Variants in ICE2 observed in about 807,000 individuals in gnomAD.
ICE2 encodes interactor of little elongation complex ELL subunit 2.
In ICE2, 87 loss-of-function variants were observed where a neutral mutation model predicts 105.4. The ratio of observed to expected loss-of-function variants is 0.83; its 90% confidence interval spans 0.69 to 0.99. The LOEUF is 0.99. ICE2 is among the 50% of genes least tolerant of loss of function. ICE2 has a pLI of 0.00. For missense variants in ICE2, 1,323 were observed against 1,146.7 expected, an observed-to-expected ratio of 1.15 and a Z score of -2.22; for synonymous variants, 399 against 392.0, an observed-to-expected ratio of 1.02 and a Z score of -0.21.
intron 13 of ICE2, among the ~76,000 whole-genome samples, chr15:60,432,190 T>TC: frequency 6.8e-6 from 1 of 146,330 alleles, no homozygotes; most frequent in East Asian, 2.0e-4. Context: ...CCTTTTTTTT[T>TC]TTTTTTTTTT....
intron 5 of ICE2, among the ~76,000 whole-genome samples, chr15:60,459,604 G>T (rs767159136): frequency 1.5e-4 from 23 of 152,062 alleles, no homozygotes; most frequent in Non-Finnish European, 3.2e-4. Flanking sequence ...CAAACCTGTA[G>T]ATAAATTAAA....
chr15:60,425,281 G>A (rs909987387), intron 15 of ICE2, among the ~76,000 whole-genome samples: 2 of 152,144 alleles, frequency 1.3e-5, no homozygotes, highest in South Asian at 4.1e-4. Flanking sequence ...TTAGAAAAGT[G>A]CTGCGACTTT....
chr15:60,452,093 T>C, intron 9 of ICE2: 1 of 985,348 alleles, frequency 1.0e-6, no homozygotes, highest in South Asian at 4.7e-5. Flanking sequence ...CTACCTCATG[T>C]TTCTTCTTGT....
chr15:60,441,997 T>C (rs557109372), intron 12 of ICE2: 1 of 153,266 alleles, frequency 6.5e-6, no homozygotes, highest in African/African-American at 2.4e-5. Flanking sequence ...TACTATTAAA[T>C]AAGTGTTTCT....
rs145781504 is a variant in ICE2, at chr15:60,449,446, G to T, written c.1521C>A (p.Asp507Glu). The change falls in exon 10 of 16, where the codon GAC becomes GAA. Residue 507 changes from aspartate to glutamate, a missense_variant. By Grantham distance (45) the Asp-to-Glu change is conservative (BLOSUM62 2). Coordinates refer to ENST00000261520, the MANE Select transcript of ICE2 (RefSeq NM_024611.6). ...NSDKPLIQDS[D>E]LKTSDALQLE... ...ACTGTAAGGCATCAGATGTTTTCAAGTCACTATCTTGTATCAAAGGCTTGT... is the reference window on the plus strand; with the variant it reads ...ACTGTAAGGCATCAGATGTTTTCAATTCACTATCTTGTATCAAAGGCTTGT... 3.1e-6 allele frequency: 5 copies of T among 1,613,884 alleles called. No individual in the cohort carries two copies. The highest frequency in any genetic ancestry group is 4.2e-6 in the Non-Finnish European group (5 of 1,180,020).
chr15:60,465,658 T>G (rs867688160), intron 5 of ICE2, among the ~76,000 whole-genome samples: 10 of 151,490 alleles, frequency 6.6e-5, no homozygotes, highest in Admixed American at 3.3e-4. Flanking sequence ...CTTTAAAGGC[T>G]TAAACAAATT....
At chr15:60,424,227 G>A (rs187029375) in intron 15 of ICE2, among the ~76,000 whole-genome samples, 6 of 151,312 alleles carry the variant, frequency 4.0e-5, no homozygotes, top group Non-Finnish European at 8.8e-5. Context: ...AAGAAGGGTA[G>A]GGAAGATAAG....
chr15:60,478,965 C>G (rs923499076), intron 1 of ICE2, 38 bp downstream of exon 1: 3 of 455,700 alleles, frequency 6.6e-6, no homozygotes. Flanking sequence ...AGCGCCCTCC[C>G]GTCCGCGTCT....
chr15:60,454,909 T>G, intron 8 of ICE2, 94 bp downstream of exon 8: 1 of 1,143,634 alleles, frequency 8.7e-7, no homozygotes, highest in African/African-American at 1.6e-5. Context: ...TCTGGGTCCA[T>G]GTGTTCTCAT....
chr15:60,454,999 A>G lies in ICE2; in HGVS notation c.943+4T>C. 8.5e-6 allele frequency: 13 copies of G among 1,537,996 alleles called. No homozygotes were observed. The highest frequency in any genetic ancestry group is 1.1e-5 in the Non-Finnish European group (13 of 1,152,576). On this transcript the variant is annotated splice_donor_region_variant and intron_variant, in intron 8 of 15. Transcript: ENST00000261520. ...AGCATTATTTGACATAGCAAATTAC[A>G]AACCTGCAACAGGTATTACTTGAAT...
intron 12 of ICE2, chr15:60,442,071 G>T (rs2063730544): frequency 5.8e-6 from 1 of 171,420 alleles, no homozygotes; most frequent in South Asian, 1.6e-4. Flanking sequence ...AAGGTAGGAG[G>T]ATTGCTTGAG....
At chr15:60,439,506 G>A (rs1454718044) in intron 12 of ICE2, 1 of 152,096 alleles carries the variant, frequency 6.6e-6, no homozygotes. Flanking sequence ...TCAGTCTCCT[G>A]AGTAGCTGGG....
Position 60,421,785 on chromosome 15 carries a change from C to CA in ICE2, c.*1848dup, listed in dbSNP as rs1273079840. On this transcript the variant is annotated 3_prime_UTR_variant, in exon 16 of 16. Transcript: ENST00000261520. ...ATGTGACTTAAGGAATAAAAAAACT[C>CA]AGTGTTTTATAAAAGGGAATGGCAG... 3.3e-5 allele frequency: 5 copies of CA among 152,064 alleles called. No homozygotes were observed. Among genetic ancestry groups the CA allele is most frequent in the African/African-American group, 4.8e-5 (2 of 41,386 alleles). The allele number at this position is 152,064 out of a possible 1,614,324, so 9.4% of individuals were successfully genotyped here. A position where few individuals can be genotyped will look rare whatever the true frequency, so the allele number is the denominator to read the frequency against.
At chr15:60,469,313 G>C (rs1226385356) in intron 3 of ICE2, among the ~76,000 whole-genome samples, 2 of 152,092 alleles carry the variant, frequency 1.3e-5, no homozygotes, top group African/African-American at 4.8e-5. Flanking sequence ...TGGGGTAGGA[G>C]AACATTAGGA....
rs2064008401 is a variant in ICE2 at position 60,453,247 on chromosome 15, T to C, written c.1125+356A>G. Reference sequence around the variant, plus strand: ...GTTCCATCTCAAAAAAATAAAACTCTTGAATATGAATGAGACCAATTAAAC... The same window carrying C: ...GTTCCATCTCAAAAAAATAAAACTCCTGAATATGAATGAGACCAATTAAAC... On this transcript the variant is annotated intron_variant, in intron 9 of 15. Transcript: ENST00000261520. 7 of 1,011,520 alleles carry C rather than the reference T, an allele frequency of 6.9e-6. No homozygotes were observed. In the South Asian group the frequency reaches 3.0e-4, roughly 43 times the overall value. 62.7% of individuals were successfully genotyped at this position (1,011,520 alleles called of 1,614,324 possible). A position where few individuals can be genotyped will look rare whatever the true frequency, so the allele number is the denominator to read the frequency against.
At chr15:60,444,185 G>A (rs1444029778) in intron 11 of ICE2, among the ~76,000 whole-genome samples, 1 of 152,128 alleles carries the variant, frequency 6.6e-6, no homozygotes, top group African/African-American at 2.4e-5. Flanking sequence ...TGAGAAAAAG[G>A]ATCACATTTC....
chr15:60,469,521 C>CAT (rs2064527069), intron 3 of ICE2, among the ~76,000 whole-genome samples: 2 of 152,174 alleles, frequency 1.3e-5, no homozygotes, highest in African/African-American at 4.8e-5. Flanking sequence ...ACAGAGTTCT[C>CAT]ATGTTTGAAT....
chr15:60,460,724 G>C (rs1448278968), intron 5 of ICE2, among the ~76,000 whole-genome samples: 2 of 152,004 alleles, frequency 1.3e-5, no homozygotes, highest in Non-Finnish European at 2.9e-5. Flanking sequence ...CCAAGCTCTA[G>C]ACATTGCCAA....
Position 60,449,504 on chromosome 15 carries a change from C to A in ICE2, c.1463G>T (p.Gly488Val). The A allele has an allele frequency of 3.1e-6, 5 of 1,614,104 alleles. No individual in the cohort carries two copies. The highest frequency in any genetic ancestry group is 2.5e-6 in the Non-Finnish European group (3 of 1,179,988). The change falls in exon 10 of 16, where the codon GGA (glycine) becomes GTA (valine). Residue 488 changes from glycine (G) to valine (V), a missense_variant. Gly to Val is a moderately radical substitution (Grantham distance 109, BLOSUM62 -3). Coordinates refer to ENST00000261520, the MANE Select transcript of ICE2 (RefSeq NM_024611.6). ...PEECKNKDDQ[G>V]FESCEKVSNS... ...TGATACCTTTTCACATGATTCAAATCCCTGATCATCTTTATTTTTGCATTC... is the reference window on the plus strand; with the variant it reads ...TGATACCTTTTCACATGATTCAAATACCTGATCATCTTTATTTTTGCATTC...
Sources: allele counts gnomAD v4.1 joint callset (sites outside exome capture counted in the v4.1 genomes callset), GRCh38; gene constraint gnomAD v4.1.1; transcripts MANE v1.5; gene names NCBI Gene and HGNC (gene_info 2026-07-23, HGNC 2026-07-21).